The following PRKCG variants were observed in gnomAD, a reference collection of about 807,000 sequenced individuals.
The protein encoded by PRKCG is protein kinase C gamma.
A neutral mutation model predicts 82.0 loss-of-function variants in PRKCG; 28 were observed. The ratio of observed to expected loss-of-function variants is 0.34; its 90% CI spans 0.25 to 0.47. The LOEUF is 0.47. PRKCG is among the 20% of genes least tolerant of loss of function. The probability of loss-of-function intolerance (pLI) is 1.00; values close to 1 mark genes in which losing one functional copy is unlikely to be tolerated. For synonymous variants in PRKCG, 383 were observed against 376.6 expected, an observed-to-expected ratio of 1.02 and a Z score of -0.20; for missense variants, 640 against 952.7, an observed-to-expected ratio of 0.67 and a Z score of 4.32.
In PRKCG at chr19:53,889,836, C is replaced by T; in HGVS notation, c.398-50C>T. ...CCCGGGATGGGGTGGGGGGTGGAGTCTTGGCTTGGGGGCGGGGCCTGAGGT... is the reference window on the plus strand; with the variant it reads ...CCCGGGATGGGGTGGGGGGTGGAGTTTTGGCTTGGGGGCGGGGCCTGAGGT... On this transcript the variant is annotated intron_variant, in intron 4 of 17. Transcript: ENST00000263431. The surrounding 1 kb of genome is among the most constrained non-coding windows in gnomAD (Gnocchi z 4.4). 2.5e-6 allele frequency: 4 copies of T among 1,570,554 alleles called. No homozygotes were observed. Among genetic ancestry groups the T allele is most frequent in the Non-Finnish European group, 3.5e-6 (4 of 1,158,414 alleles).
chr19:53,882,168 G>A, upstream of PRKCG: 1 of 367,956 alleles, frequency 2.7e-6, no homozygotes, highest in Non-Finnish European at 5.0e-6. The surrounding 1 kb of genome is among the most constrained non-coding windows in gnomAD (Gnocchi z 6.1). Flanking sequence ...CGGTCGTCCT[G>A]GCAACGCCTC....
intron 17 of PRKCG, 49 bp downstream of exon 17, chr19:53,906,506 T>A (rs768545713): frequency 6.4e-7 from 1 of 1,568,662 alleles, no homozygotes; most frequent in South Asian, 1.2e-5. Flanking sequence ...AGGGGTGGGG[T>A]TCCCCTGGGC....
At chr19:53,905,396 A>C (rs2068794795) in intron 16 of PRKCG, among the ~76,000 whole-genome samples, 5 of 137,626 alleles carry the variant, frequency 3.6e-5, no homozygotes, top group Admixed American at 7.4e-5. Flanking sequence ...CACACGCTAC[A>C]TCTCACCCTC....
In PRKCG at chr19:53,897,925, A is replaced by T. The variant is rs373611907; in HGVS notation, c.940-34A>T. ...TTTCCTTATCGCTGTGTAAGGTCTA[A>T]CTGCCTCTGGCTCTTTCTTTCTCCT... On this transcript the variant is annotated intron_variant, in intron 9 of 17. Coordinates refer to ENST00000263431, the MANE Select transcript of PRKCG (RefSeq NM_002739.5). The T allele has an allele frequency of 4.1e-5, 66 of 1,613,424 alleles. No homozygotes were observed. The Middle Eastern group carries it at 5.1e-4, about 13-fold the overall frequency.
intron 9 of PRKCG, among the ~76,000 whole-genome samples, chr19:53,896,318 C>G (rs1159967967): frequency 6.6e-6 from 1 of 151,712 alleles, no homozygotes; most frequent in Non-Finnish European, 1.5e-5. Context: ...AACACCAACT[C>G]TGTGCCAAGC....
intron 3 of PRKCG, among the ~76,000 whole-genome samples, chr19:53,887,701 G>A (rs1486159802): frequency 2.1e-5 from 3 of 143,884 alleles, no homozygotes; most frequent in African/African-American, 7.7e-5. Context: ...ACGGTGGCAC[G>A]CGCCTGTAGT....
intron 9 of PRKCG, among the ~76,000 whole-genome samples, chr19:53,895,855 C>G (rs1055072630): frequency 6.6e-6 from 1 of 152,110 alleles, no homozygotes; most frequent in South Asian, 2.1e-4. Context: ...GTCAGGAGAT[C>G]GAGACCATCC....
rs757533070 is a variant in PRKCG, at chr19:53,892,584, C to T, written c.762C>T (p.Asp254=). 6.2e-7 allele frequency: 1 copy of T among 1,613,740 alleles called. No homozygotes were observed. The change falls in exon 7 of 18, where the codon GAC becomes GAT. Residue 254 remains aspartate, a synonymous_variant. Transcript: ENST00000263431. This position sits in a 1 kb window ranked among gnomAD's most constrained non-coding sequence, Gnocchi z 5.9. ...ACTGGGACCGGACCTCCCGCAACGA[C>T]TTCATGGGGGCCATGTCCTTTGGCG... ...VWDWDRTSRN[D]FMGAMSFGVS...
chr19:53,891,347 G>A (rs1462524769), intron 5 of PRKCG, among the ~76,000 whole-genome samples: 8 of 151,390 alleles, frequency 5.3e-5, no homozygotes, highest in Non-Finnish European at 7.4e-5. Context: ...CGTAATCTCG[G>A]CTCACTGCAA....
intron 11 of PRKCG, among the ~76,000 whole-genome samples, chr19:53,899,855 G>A (rs11882026): frequency 0.19 from 28,464 of 152,190 alleles, 7,274 homozygotes; most frequent in African/African-American, 0.58. Context: ...CCAAAGTGCT[G>A]GGATTACAGG....
rs1491356004 is a variant in PRKCG at position 53,892,750 on chromosome 19, G to GCACACACACA, written c.821+108_821+109insACACACACAC. The GCACACACACA allele has an allele frequency of 7.7e-6, 9 of 1,168,576 alleles. No individual in the cohort carries two copies. The African/African-American group carries it at 1.6e-4, about 20-fold the overall frequency. 72.4% of individuals were successfully genotyped at this position (1,168,576 alleles called of 1,614,324 possible). A position where few individuals can be genotyped will look rare whatever the true frequency, so the allele number is the denominator to read the frequency against. On this transcript the variant is annotated intron_variant, in intron 7 of 17. Coordinates refer to ENST00000263431, the MANE Select transcript of PRKCG (RefSeq NM_002739.5). This position sits in a 1 kb window ranked among gnomAD's most constrained non-coding sequence, Gnocchi z 5.9. ...TGTCCTTCCCTCTGCCTCCCAGCATGCGCACACACACACACACACACACAC... is the reference window on the plus strand; with the variant it reads ...TGTCCTTCCCTCTGCCTCCCAGCATGCACACACACACGCACACACACACACACACACACAC...
Position 53,882,314 on chromosome 19 carries a change from C to A in PRKCG, c.-181C>A. On this transcript the variant is annotated 5_prime_UTR_variant, in exon 1 of 18. Coordinates refer to ENST00000263431, the MANE Select transcript of PRKCG (RefSeq NM_002739.5). The surrounding 1 kb of genome is among the most constrained non-coding windows in gnomAD (Gnocchi z 6.1). Reference sequence around the variant, plus strand: ...CGCCCGCTCCCCCTGGCGGAGCCGGCGCGCCCGGGGTGCCGCTCCCTGCCT... The same window carrying A: ...CGCCCGCTCCCCCTGGCGGAGCCGGAGCGCCCGGGGTGCCGCTCCCTGCCT... 1.1e-6 allele frequency: 1 copy of A among 879,216 alleles called. No homozygotes were observed. The highest frequency in any genetic ancestry group is 2.9e-5 in the East Asian group (1 of 34,280). The allele number at this position is 879,216 out of a possible 1,614,324, so 54.5% of individuals were successfully genotyped here.
upstream of PRKCG, among the ~76,000 whole-genome samples, chr19:53,881,390 G>A (rs917971634): frequency 3.3e-5 from 5 of 151,900 alleles, no homozygotes; most frequent in Middle Eastern, 3.2e-3. Context: ...AGTTGCAGAG[G>A]GAGGGGGAGA....
intron 5 of PRKCG, among the ~76,000 whole-genome samples, chr19:53,891,278 C>CTTT: frequency 7.5e-6 from 1 of 133,850 alleles, no homozygotes; most frequent in Non-Finnish European, 1.6e-5. Context: ...GCTTGGAATT[C>CTTT]TTTTTTTTTT....
rs114091656 is a variant in PRKCG at position 53,907,094 on chromosome 19, C to T, written c.*199C>T. 3,082 of 1,261,212 alleles carry T rather than the reference C, an allele frequency of 2.4e-3. 35 individuals are homozygous for T. In the African/African-American group the frequency reaches 0.025, roughly 10 times the overall value. The allele number at this position is 1,261,212 out of a possible 1,614,324, so 78.1% of individuals were successfully genotyped here. ...CTCCATACAGCCTCTACAGCCGTCCCGCGTTCAAGACTTGAGCGGAGCCCG... is the reference window on the plus strand; with the variant it reads ...CTCCATACAGCCTCTACAGCCGTCCTGCGTTCAAGACTTGAGCGGAGCCCG... On this transcript the variant is annotated 3_prime_UTR_variant, in exon 18 of 18. Transcript: ENST00000263431.
At chr19:53,905,340 C>T (rs986699405) in intron 16 of PRKCG, among the ~76,000 whole-genome samples, 5 of 151,114 alleles carry the variant, frequency 3.3e-5, no homozygotes, top group African/African-American at 1.2e-4. Flanking sequence ...TTTGTCCAAC[C>T]CCCCTACCCC....
chr19:53,890,748 ATTTTTT>A (rs540543756), intron 5 of PRKCG, among the ~76,000 whole-genome samples: 1 of 119,782 alleles, frequency 8.3e-6, no homozygotes, highest in African/African-American at 3.1e-5. Context: ...CATCCGGCTA[ATTTTTT>A]TTTTTTTTTT....
At position 53,906,862 on chromosome 19, in the gene PRKCG, C is replaced by T. The variant is rs2068816817; in HGVS notation, c.2061C>T (p.Ser687=). Reference sequence around the variant, plus strand: ...ACTTCGTGCACCCGGATGCCCGCAGCCCCACCAGCCCAGTGCCTGTGCCCG... The same window carrying T: ...ACTTCGTGCACCCGGATGCCCGCAGTCCCACCAGCCCAGTGCCTGTGCCCG... ...NPDFVHPDAR[S]PTSPVPVPVM is the part of the protein sequence containing the mutation. The change falls in exon 18 of 18, where the codon AGC becomes AGT. Residue 687 remains serine (S), a synonymous_variant. Coordinates refer to ENST00000263431, the MANE Select transcript of PRKCG (RefSeq NM_002739.5). 6.2e-7 allele frequency: 1 copy of T among 1,613,542 alleles called. No individual in the cohort carries two copies. Among genetic ancestry groups the T allele is most frequent in the South Asian group, 1.1e-5 (1 of 91,090 alleles).
chr19:53,906,968 C>G lies in PRKCG; in HGVS notation c.*73C>G, dbSNP rs2068818454. 2 of 1,599,578 alleles carry G rather than the reference C, an allele frequency of 1.3e-6. No homozygotes were observed. Among genetic ancestry groups the G allele is most frequent in the Non-Finnish European group, 1.7e-6 (2 of 1,174,676 alleles). Reference sequence around the variant, plus strand: ...GGCGGCAGCCCCACTTCACCCCCAACTTCACCACCCCCTGTCCCATTCTAG... The same window carrying G: ...GGCGGCAGCCCCACTTCACCCCCAAGTTCACCACCCCCTGTCCCATTCTAG... On this transcript the variant is annotated 3_prime_UTR_variant, in exon 18 of 18. Coordinates refer to ENST00000263431, the MANE Select transcript of PRKCG (RefSeq NM_002739.5).
Sources: gnomAD v4.1 joint callset for allele counts (sites outside exome capture counted in the v4.1 genomes callset) on GRCh38, gnomAD v4.1.1 for gene constraint, Gnocchi (gnomAD v3.1) non-coding constraint, MANE v1.5 for transcripts, NCBI Gene and HGNC (gene_info 2026-07-23, HGNC 2026-07-21) for gene names.